Variants in PKIG observed in about 807,000 individuals in gnomAD.
PKIG encodes the protein cAMP-dependent protein kinase inhibitor gamma, also known as protein kinase (cAMP-dependent, catalytic) inhibitor gamma.
A neutral mutation model predicts 6.8 loss-of-function variants in PKIG; 1 was observed. The ratio of observed to expected loss-of-function variants is 0.15; its 90% CI spans 0.05 to 0.69. PKIG has a LOEUF of 0.69. Ranked by LOEUF, PKIG falls within the 30% of genes least tolerant of loss-of-function variation. PKIG has a pLI of 0.82. For synonymous variants in PKIG, 39 were observed against 43.0 expected (o/e 0.91, Z 0.36); for missense variants, 77 against 104.0 (o/e 0.74, Z 1.13).
chr20:44,561,262 G>A (rs1377261127), intron 1 of PKIG, among the ~76,000 whole-genome samples: 1 of 152,130 alleles, frequency 6.6e-6, no homozygotes, highest in Non-Finnish European at 1.5e-5. Context: ...GCTTGAACCC[G>A]GGAGGCAGAA....
At chr20:44,560,210 A>G (rs1046888064) in intron 1 of PKIG, among the ~76,000 whole-genome samples, 2 of 152,106 alleles carry the variant, frequency 1.3e-5, no homozygotes, top group Non-Finnish European at 2.9e-5. Flanking sequence ...AGATTGTGCC[A>G]CTGCACAGGA....
At chr20:44,581,230 A>G (rs575013834), upstream of PKIG, among the ~76,000 whole-genome samples, 3 of 152,230 alleles carry the variant, frequency 2.0e-5, no homozygotes, top group Non-Finnish European at 4.4e-5. Flanking sequence ...ATGTAGCCTC[A>G]TAGCACTTAT....
intron 2 of PKIG, among the ~76,000 whole-genome samples, chr20:44,607,104 C>T (rs549895572): frequency 2.0e-4 from 30 of 152,292 alleles, no homozygotes; most frequent in South Asian, 4.1e-4. Flanking sequence ...AAAAAAGTCA[C>T]AGATCCTTTG....
chr20:44,539,354 T>C (rs1433101474), intron 1 of PKIG, among the ~76,000 whole-genome samples: 2 of 152,142 alleles, frequency 1.3e-5, no homozygotes, highest in Non-Finnish European at 2.9e-5. Context: ...ATCCGCAGCC[T>C]GTGGGCCAAA....
At chr20:44,571,944 T>C (rs1007208333) in intron 1 of PKIG, among the ~76,000 whole-genome samples, 6 of 149,500 alleles carry the variant, frequency 4.0e-5, no homozygotes, top group African/African-American at 1.5e-4. Flanking sequence ...TTAATCATCG[T>C]AGAAACGTTC....
intron 2 of PKIG, among the ~76,000 whole-genome samples, chr20:44,593,746 A>G (rs1054786213): frequency 1.3e-5 from 2 of 152,334 alleles, no homozygotes; most frequent in Middle Eastern, 3.4e-3. Context: ...AAGAGAGTAG[A>G]TCTTAAGTAT....
intron 2 of PKIG, among the ~76,000 whole-genome samples, chr20:44,602,819 C>T (rs553330515): frequency 2.0e-4 from 28 of 138,348 alleles, no homozygotes; most frequent in African/African-American, 3.0e-4. Flanking sequence ...CCAACCTGGG[C>T]GACAGAGTAA....
chr20:44,618,637 C>T lies in PKIG; in HGVS notation c.*273C>T, dbSNP rs922153025. The T allele has an allele frequency of 2.7e-5, 10 of 375,680 alleles. No individual in the cohort carries two copies. The highest frequency in any genetic ancestry group is 7.3e-5 in the South Asian group (3 of 40,988). The allele number at this position is 375,680 out of a possible 1,614,324, so 23.3% of individuals were successfully genotyped here. A position where few individuals can be genotyped will look rare whatever the true frequency, so the allele number is the denominator to read the frequency against. On this transcript the variant is annotated 3_prime_UTR_variant, in exon 4 of 4. Coordinates refer to ENST00000372886, the MANE Select transcript of PKIG (RefSeq NM_001281445.2). ...AAGATGTTATTTATTGAGCTGGCGC[C>T]GGGACTTGGGCGGGGCCTGCCCTAC...
Position 44,570,999 on chromosome 20 carries a change from C to T in PKIG, c.-240-11586C>T, listed in dbSNP as rs964238821. 2.6e-5 allele frequency among the ~76,000 whole-genome samples: 4 copies of T among 152,060 alleles called. 1 individual carries two copies. In the South Asian group the frequency reaches 6.2e-4, roughly 24 times the overall value. On this transcript the variant is annotated intron_variant, in intron 1 of 4. Coordinates refer to the PKIG transcript ENST00000372887. ...CTGTAATTCCAGCACTTTGGGAGGC[C>T]GAGGCGAGTGGATCACTTGAAGCCA...
At chr20:44,613,002 C>T (rs2065232544) in intron 2 of PKIG, among the ~76,000 whole-genome samples, 1 of 152,222 alleles carries the variant, frequency 6.6e-6, no homozygotes, top group African/African-American at 2.4e-5. Flanking sequence ...TCTAAAGCGT[C>T]CCAAAGAGTA....
At chr20:44,535,671 A>G (rs371351072) in intron 1 of PKIG, among the ~76,000 whole-genome samples, 53 of 152,172 alleles carry the variant, frequency 3.5e-4, no homozygotes, top group African/African-American at 9.2e-4. Flanking sequence ...TGGGAGCTAT[A>G]TATATTAGAA....
Position 44,588,531 on chromosome 20 carries a change from C to T in PKIG, c.-93-1266C>T, listed in dbSNP as rs549356871. Among the ~76,000 whole-genome samples the T allele has an allele frequency of 2.0e-3, 297 of 152,182 alleles. 2 individuals are homozygous for T. The highest frequency in any genetic ancestry group is 6.8e-3 in the African/African-American group (284 of 41,512). On this transcript the variant is annotated intron_variant, in intron 1 of 3. Transcript: ENST00000372886. ...CGGTGGCACGCACCTGCAGTCCCAG[C>T]TACTTGGGAGGCTGAGGCGGAAGAA...
intron 2 of PKIG, among the ~76,000 whole-genome samples, chr20:44,602,755 C>T (rs954638972): frequency 6.6e-6 from 1 of 150,862 alleles, no homozygotes; most frequent in Admixed American, 6.6e-5. Context: ...GCAGGAAAAG[C>T]ACTTGAACCG....
intron 1 of PKIG, among the ~76,000 whole-genome samples, chr20:44,586,910 A>G (rs544452428): frequency 6.6e-6 from 1 of 152,344 alleles, no homozygotes; most frequent in African/African-American, 2.4e-5. Context: ...CATTTCCAAA[A>G]AGAAGTCTCT....
intron 1 of PKIG, among the ~76,000 whole-genome samples, chr20:44,537,075 A>G (rs1404324116): frequency 6.6e-6 from 1 of 152,002 alleles, no homozygotes; most frequent in Non-Finnish European, 1.5e-5. Flanking sequence ...GATTACAAGC[A>G]CTTGCCATTA....
At chr20:44,539,631 C>G (rs1438498631) in intron 1 of PKIG, among the ~76,000 whole-genome samples, 1 of 151,990 alleles carries the variant, frequency 6.6e-6, no homozygotes, top group Non-Finnish European at 1.5e-5. Context: ...GTTGACCAGG[C>G]TGGTCTTGAA....
At chr20:44,617,283 C>T (rs2065273854) in intron 3 of PKIG, among the ~76,000 whole-genome samples, 1 of 152,152 alleles carries the variant, frequency 6.6e-6, no homozygotes, top group Admixed American at 6.5e-5. Context: ...GCTTGTAGGG[C>T]ACCTAGTAAC....
intron 1 of PKIG, among the ~76,000 whole-genome samples, chr20:44,570,426 T>C (rs1351067111): frequency 6.6e-6 from 1 of 152,234 alleles, no homozygotes; most frequent in Non-Finnish European, 1.5e-5. Flanking sequence ...TTAAACTATT[T>C]AAACTTTTGT....
intron 2 of PKIG, among the ~76,000 whole-genome samples, chr20:44,613,549 TC>T (rs1275266731): frequency 6.6e-6 from 1 of 151,926 alleles, no homozygotes; most frequent in Non-Finnish European, 1.5e-5. Context: ...CCTCAAATAT[TC>T]CTCCTTTGTT....
Sources: allele counts gnomAD v4.1 joint callset (sites outside exome capture counted in the v4.1 genomes callset), GRCh38; gene constraint gnomAD v4.1.1; transcripts MANE v1.5; gene names NCBI Gene and HGNC (gene_info 2026-07-23, HGNC 2026-07-21).